CPZ: variants seen among roughly 807,000 people sequenced by gnomAD.
CPZ encodes the protein carboxypeptidase Z.
In CPZ, 103 loss-of-function variants were observed where a neutral mutation model predicts 61.8. The observed-to-expected ratio is 1.67, with a 90% confidence interval of 1.42 to 1.96. The LOEUF is 1.96. CPZ is among the 30% of genes most tolerant of loss of function. The pLI is 0.00. For synonymous variants in CPZ, 551 were observed against 373.7 expected, an observed-to-expected ratio of 1.47 and a Z score of -5.47; for missense variants, 1,461 against 914.9, an observed-to-expected ratio of 1.60 and a Z score of -7.70.
Position 8,604,204 on chromosome 4 carries a change from A to AGAGCC in CPZ, c.709+17_709+21dup. ...CACGAGCTGAGTGAGTGCCCTTGGG[A>AGAGCC]GAGCCTGGCCTGGCCCCGTTTCGGG... On this transcript the variant is annotated intron_variant, in intron 4 of 10. Transcript: ENST00000360986. The AGAGCC allele has an allele frequency of 6.6e-7, 1 of 1,524,498 alleles. No individual in the cohort carries two copies. The allele number at this position is 1,524,498 out of a possible 1,614,324, so 94.4% of individuals were successfully genotyped here.
chr4:8,615,177 G>C (rs948878218), intron 9 of CPZ, among the ~76,000 whole-genome samples: 2 of 152,100 alleles, frequency 1.3e-5, no homozygotes, highest in African/African-American at 4.8e-5. Context: ...TCGTGAGGCT[G>C]AGGTCACCCA....
At chr4:8,610,029 T>C (rs1467247256) in intron 7 of CPZ, among the ~76,000 whole-genome samples, 1 of 152,188 alleles carries the variant, frequency 6.6e-6, no homozygotes, top group Admixed American at 6.5e-5. Context: ...TTTGCCCGAA[T>C]CCTGCTCATG....
At position 8,618,535 on chromosome 4, in the gene CPZ, A is replaced by C; in HGVS notation, c.1603+7A>C. On this transcript the variant is annotated splice_region_variant and intron_variant, in intron 10 of 10. Transcript: ENST00000360986. The stretch of plus-strand genomic sequence containing the variant: ...CGCCACGACATCACCACAGGTGAGC[A>C]CGTCCCTGGCTGTCCCCTGGGGACC... 6.2e-7 allele frequency: 1 copy of C among 1,612,444 alleles called. No homozygotes were observed. The highest frequency in any genetic ancestry group is 1.7e-5 in the Admixed American group (1 of 59,990).
intron 9 of CPZ, 125 bp from the exon 10 acceptor site, chr4:8,618,304 G>T: frequency 1.3e-6 from 1 of 786,904 alleles, no homozygotes; most frequent in Non-Finnish European, 2.1e-6. Context: ...TGGCAGAGTG[G>T]GGCTCTGTGG....
rs1329116078 is a variant in CPZ at position 8,592,893 on chromosome 4, G to A, written c.60G>A (p.Pro20=). 5 of 1,534,310 alleles carry A rather than the reference G, an allele frequency of 3.3e-6. No individual in the cohort carries two copies. Among genetic ancestry groups the A allele is most frequent in the Admixed American group, 4.0e-5 (2 of 50,482 alleles). ...TCCTGGTCGTCGCCGCTGCCCGGCC[G>A]GGGTGCGAGTTTGAGCGGAACCCCG... is the stretch of plus-strand genomic sequence containing the variant. ...LTVLVVAAAR[P]GCEFERNPAG... The change falls in exon 1 of 11, where the codon CCG becomes CCA. Residue 20 remains proline, a synonymous_variant. Transcript: ENST00000360986.
chr4:8,609,792 GGGCAGTGATCATGCAGCCCTGTGGCC>G (rs1260595700), intron 7 of CPZ, among the ~76,000 whole-genome samples: 14 of 152,346 alleles, frequency 9.2e-5, no homozygotes, highest in African/African-American at 2.6e-4. Flanking sequence ...ATCAATCATC[GGGCAGTGATCATGCAGCCCTGTGGCC>G]GGCAGTGATC....
chr4:8,604,120 G>A lies in CPZ; in HGVS notation c.641G>A (p.Gly214Glu). 6.2e-7 allele frequency: 1 copy of A among 1,600,648 alleles called. No homozygotes were observed. The highest frequency in any genetic ancestry group is 8.5e-7 in the Non-Finnish European group (1 of 1,173,948). The part of the protein sequence containing the change: ...CAHVARTYSI[G>E]RSFDGRELLV... ...CACGTGGCCAGGACCTACAGCATCGGGCGCAGCTTCGACGGCAGGGAGCTG... is the reference window on the plus strand; with the variant it reads ...CACGTGGCCAGGACCTACAGCATCGAGCGCAGCTTCGACGGCAGGGAGCTG... The change falls in exon 4 of 11, where the codon GGG (glycine) becomes GAG (glutamate). Residue 214 changes from glycine to glutamate, a missense_variant. Coordinates refer to ENST00000360986, the MANE Select transcript of CPZ (RefSeq NM_001014447.3).
intron 10 of CPZ, 121 bp downstream of exon 10, chr4:8,618,649 TC>T: frequency 1.1e-6 from 1 of 892,452 alleles, no homozygotes; most frequent in Non-Finnish European, 1.7e-6. Context: ...GCTCCATTCC[TC>T]CCCAGGCTGG....
intron 9 of CPZ, chr4:8,618,188 G>A: frequency 1.9e-6 from 1 of 536,294 alleles, no homozygotes; most frequent in Non-Finnish European, 3.4e-6. Flanking sequence ...CGGGTGAGAT[G>A]CAGGGTCATT....
chr4:8,618,436 G>C lies in CPZ; in HGVS notation c.1511G>C (p.Arg504Pro), dbSNP rs139176210. The C allele has an allele frequency of 1.9e-6, 3 of 1,613,990 alleles. No individual in the cohort carries two copies. Among genetic ancestry groups the C allele is most frequent in the African/African-American group, 2.7e-5 (2 of 74,926 alleles). The part of the protein sequence containing the change: ...SLLNFVETVH[R>P]GIKGVVTDKF... ...TCCCCTTGGTCTCTTCAGGTGCACC[G>C]GGGCATCAAAGGTGTGGTGACAGAT... is the stretch of plus-strand genomic sequence containing the variant. Residue 504 changes from arginine to proline, a missense_variant, in exon 10 of 11, where the codon CGG (arginine) becomes CCG (proline). Arg to Pro is a moderately radical substitution (Grantham distance 103). Coordinates refer to ENST00000360986, the MANE Select transcript of CPZ (RefSeq NM_001014447.3).
chr4:8,615,297 ACT>A (rs1363902382), intron 9 of CPZ, among the ~76,000 whole-genome samples: 1 of 151,746 alleles, frequency 6.6e-6, no homozygotes, highest in Non-Finnish European at 1.5e-5. Flanking sequence ...GAGAGTGGGG[ACT>A]CTGTGCCCAT....
intron 7 of CPZ, among the ~76,000 whole-genome samples, chr4:8,609,356 TTCAC>T (rs1715446323): frequency 6.7e-6 from 1 of 149,684 alleles, no homozygotes; most frequent in Non-Finnish European, 1.5e-5. Context: ...CTCTCATTCA[TTCAC>T]TCACAAACTC....
intron 9 of CPZ, chr4:8,618,193 G>A: frequency 1.8e-6 from 1 of 545,960 alleles, no homozygotes; most frequent in Non-Finnish European, 3.3e-6. Context: ...GAGATGCAGG[G>A]TCATTCAAAA....
At position 8,595,429 on chromosome 4, in the gene CPZ, T is replaced by C. The variant is rs1434403141; in HGVS notation, c.88+2508T>C. On this transcript the variant is annotated intron_variant, in intron 1 of 10. Transcript: ENST00000360986. The stretch of plus-strand genomic sequence containing the variant: ...AGCCACAGTCGTCCTGGCTTTGCTC[T>C]GTGGCTGCCAGGGCAGGTGCGGCCT... Among the ~76,000 whole-genome samples, 3 of 152,234 alleles carry C rather than the reference T, an allele frequency of 2.0e-5. No homozygotes were observed. In the East Asian group the frequency reaches 5.8e-4, roughly 29 times the overall value.
At chr4:8,611,143 C>G in intron 7 of CPZ, 3 of 438,042 alleles carry the variant, frequency 6.8e-6, no homozygotes, top group Non-Finnish European at 1.4e-5. Flanking sequence ...CTAGTGTCCT[C>G]CACTCCTCCT....
chr4:8,605,518 C>T (rs1334916534), intron 4 of CPZ, among the ~76,000 whole-genome samples: 4 of 151,932 alleles, frequency 2.6e-5, no homozygotes, highest in African/African-American at 4.8e-5. Flanking sequence ...TTCACTCATC[C>T]ATCCATCATT....
In CPZ at chr4:8,606,029, C is replaced by G. The variant is rs115075586; in HGVS notation, c.750C>G (p.Asn250Lys). ...EVKLIGNIHG[N>K]EVAGREMLIY... The stretch of plus-strand genomic sequence containing the variant: ...AGCTCATCGGCAACATTCATGGCAA[C>G]GAGGTGGCGGGCCGGGAGATGCTCA... The change falls in exon 5 of 11, where the codon AAC becomes AAG. Residue 250 changes from asparagine to lysine, a missense_variant. Transcript: ENST00000360986. 1 of 1,614,096 alleles carries G rather than the reference C, an allele frequency of 6.2e-7. No homozygotes were observed. The highest frequency in any genetic ancestry group is 8.5e-7 in the Non-Finnish European group (1 of 1,179,964).
chr4:8,612,316 C>T (rs764972862), intron 8 of CPZ, among the ~76,000 whole-genome samples, 154 bp downstream of exon 8: 5 of 151,712 alleles, frequency 3.3e-5, no homozygotes, highest in East Asian at 2.0e-4. Context: ...AGGAGGCTGG[C>T]GTGAGTTTTG....
In CPZ at chr4:8,607,291, A is replaced by C. The variant is rs1292174877; in HGVS notation, c.1093A>C (p.Met365Leu). Reference sequence around the variant, plus strand: ...GGTGGCCCCGGAGACAAAGGCAATCATGAAGTGGATGCAGACCATACCCTT... The same window carrying C: ...GGTGGCCCCGGAGACAAAGGCAATCCTGAAGTGGATGCAGACCATACCCTT... Reference protein sequence around the residue: ...GKVAPETKAIMKWMQTIPFVL... With the variant: ...GKVAPETKAILKWMQTIPFVL... Residue 365 changes from methionine to leucine, a missense_variant, in exon 7 of 11, where the codon ATG becomes CTG. Physicochemically the swap from Met to Leu is conservative, Grantham distance 15. Coordinates refer to ENST00000360986, the MANE Select transcript of CPZ (RefSeq NM_001014447.3). 6.2e-7 allele frequency: 1 copy of C among 1,614,050 alleles called. No homozygotes were observed. Among genetic ancestry groups the C allele is most frequent in the Non-Finnish European group, 8.5e-7 (1 of 1,179,940 alleles).
Sources: allele counts gnomAD v4.1 joint callset (sites outside exome capture counted in the v4.1 genomes callset), GRCh38; gene constraint gnomAD v4.1.1; transcripts MANE v1.5; gene names NCBI Gene and HGNC (gene_info 2026-07-23, HGNC 2026-07-21).